MIS18A: variants seen among roughly 807,000 people sequenced by gnomAD.
MIS18A encodes MIS18 kinetochore protein A.
Under a neutral mutation model 25.0 loss-of-function variants are expected in MIS18A, and 14 were observed. That is an observed-to-expected ratio of 0.56 (90% confidence interval 0.37 to 0.88). The LOEUF (loss-of-function observed/expected upper bound fraction) is 0.88. MIS18A is among the 40% of genes least tolerant of loss of function. MIS18A has a pLI of 0.00. For synonymous variants in MIS18A, 134 were observed against 118.6 expected (o/e 1.13, Z -0.84); for missense variants, 292 against 290.8 (o/e 1.00, Z -0.03).
chr21:32,210,672 G>A, the MIS18A span, among the ~76,000 whole-genome samples: 1,499 of 152,292 alleles, frequency 9.8e-3, 14 homozygotes, highest in Non-Finnish European at 0.015. Context: ...AGGAATGTTT[G>A]TGCTGACAAC....
At chr21:32,212,061 A>G in the MIS18A span, among the ~76,000 whole-genome samples, 1 of 152,310 alleles carries the variant, frequency 6.6e-6, no homozygotes, top group South Asian at 2.1e-4. Flanking sequence ...CCTTTTTACC[A>G]GCAGTGACTA....
At chr21:32,254,892 A>T in the MIS18A span, among the ~76,000 whole-genome samples, 1 of 152,252 alleles carries the variant, frequency 6.6e-6, no homozygotes, top group Non-Finnish European at 1.5e-5. Flanking sequence ...AGTACAAAAA[A>T]GTCTAGAAAC....
At chr21:32,215,072 G>A in the MIS18A span, among the ~76,000 whole-genome samples, 1 of 152,264 alleles carries the variant, frequency 6.6e-6, no homozygotes, top group South Asian at 2.1e-4. Flanking sequence ...GCCTGTGAAT[G>A]TTGACATCTT....
intron 2 of MIS18A, among the ~76,000 whole-genome samples, chr21:32,273,904 T>C (rs974367856): frequency 6.6e-5 from 10 of 152,230 alleles, no homozygotes; most frequent in South Asian, 2.1e-4. Flanking sequence ...GCAACAATTA[T>C]ATAGGGCAGC....
Position 32,270,514 on chromosome 21 carries a change from C to A in MIS18A, c.417G>T (p.Leu139Phe), listed in dbSNP as rs750243774. The A allele has an allele frequency of 5.3e-5, 85 of 1,590,118 alleles. No homozygotes were observed. Among genetic ancestry groups the A allele is most frequent in the Non-Finnish European group, 7.3e-5 (85 of 1,170,570 alleles). The change falls in exon 3 of 5, where the codon TTG becomes TTT. Residue 139 changes from leucine (L) to phenylalanine (F), a missense_variant. Leu to Phe is a conservative substitution (Grantham distance 22, BLOSUM62 0). Transcript: ENST00000290130. ...EKENGCVLET[L>F]CCAGCSLNLG... ...GATTGAGTGAGCACCCCGCGCAGCA[C>A]AAAGTCTCAAGGACGCTGCAATAAA... is the stretch of plus-strand genomic sequence containing the variant.
At chr21:32,169,906 C>T in the MIS18A span, among the ~76,000 whole-genome samples, 1 of 152,146 alleles carries the variant, frequency 6.6e-6, no homozygotes, top group Admixed American at 6.6e-5. Flanking sequence ...AAGGAAGAAT[C>T]TGACTTCCAG....
At chr21:32,222,904 C>T in the MIS18A span, among the ~76,000 whole-genome samples, 2 of 141,314 alleles carry the variant, frequency 1.4e-5, no homozygotes, top group Admixed American at 1.5e-4. Flanking sequence ...TACTGCACTC[C>T]AGCCTGGGTG....
chr21:32,260,193 C>T, the MIS18A span: 1 of 151,028 alleles, frequency 6.6e-6, no homozygotes, highest in Non-Finnish European at 1.5e-5. Flanking sequence ...AAAACACAAC[C>T]CTAGTATTCC....
At chr21:32,260,095 T>TTTTTTTTTTTTTTC in the MIS18A span, 1 of 149,584 alleles carries the variant, frequency 6.7e-6, no homozygotes, top group Non-Finnish European at 1.5e-5. Flanking sequence ...TTTTTTTTTT[T>TTTTTTTTTTTTTTC]CAGATTTTTC....
the MIS18A span, among the ~76,000 whole-genome samples, chr21:32,224,003 A>C: frequency 6.6e-6 from 1 of 152,250 alleles, no homozygotes; most frequent in Non-Finnish European, 1.5e-5. Flanking sequence ...AATCCATCAC[A>C]TAAACAGAAC....
At chr21:32,270,722 T>G in intron 2 of MIS18A, 193 bp from the exon 3 acceptor site, 1 of 476,416 alleles carries the variant, frequency 2.1e-6, no homozygotes, top group Non-Finnish European at 3.3e-6. Flanking sequence ...CACGATGCCT[T>G]AAGTATCAAA....
downstream of MIS18A, among the ~76,000 whole-genome samples, chr21:32,264,657 C>T (rs181512337): frequency 3.3e-4 from 50 of 152,280 alleles, 1 homozygote; most frequent in Admixed American, 1.9e-3. Context: ...TTTCTGGTTG[C>T]TACCCCCAAG....
chr21:32,253,845 G>A, the MIS18A span, among the ~76,000 whole-genome samples: 2 of 152,118 alleles, frequency 1.3e-5, no homozygotes. Context: ...ATAAAAATTT[G>A]TATTCCTGGA....
the MIS18A span, among the ~76,000 whole-genome samples, chr21:32,207,409 A>T: frequency 6.6e-6 from 1 of 152,224 alleles, no homozygotes; most frequent in Non-Finnish European, 1.5e-5. Flanking sequence ...TATACCATGC[A>T]CATGTGATAC....
chr21:32,264,595 G>A (rs529073708), downstream of MIS18A, among the ~76,000 whole-genome samples: 1 of 151,996 alleles, frequency 6.6e-6, no homozygotes, highest in South Asian at 2.1e-4. Context: ...TACATGATTT[G>A]CCCCTGATCA....
the MIS18A span, among the ~76,000 whole-genome samples, chr21:32,171,315 C>G: frequency 1.4e-4 from 22 of 152,088 alleles, no homozygotes; most frequent in African/African-American, 5.1e-4. Flanking sequence ...TCTACAAGAT[C>G]AATATACAAA....
the MIS18A span, among the ~76,000 whole-genome samples, chr21:32,238,103 C>T: frequency 1.3e-5 from 2 of 152,198 alleles, no homozygotes; most frequent in African/African-American, 4.8e-5. Flanking sequence ...TCTCCACACT[C>T]ATCTCTTCTT....
the MIS18A span, among the ~76,000 whole-genome samples, chr21:32,259,267 C>T: frequency 1.3e-5 from 2 of 152,142 alleles, no homozygotes; most frequent in African/African-American, 4.8e-5. Flanking sequence ...TCTGTCAGGG[C>T]CTCCTCGCTC....
the MIS18A span, among the ~76,000 whole-genome samples, chr21:32,166,015 C>G: frequency 2.6e-5 from 4 of 152,120 alleles, no homozygotes; most frequent in African/African-American, 9.7e-5. Flanking sequence ...CCTGAGCACT[C>G]CAAGGTCTAC....
Sources: gnomAD v4.1 joint callset for allele counts (sites outside exome capture counted in the v4.1 genomes callset) on GRCh38, gnomAD v4.1.1 for gene constraint, MANE v1.5 for transcripts, NCBI Gene and HGNC (gene_info 2026-07-23, HGNC 2026-07-21) for gene names.